Variants in QRFPR observed in about 807,000 individuals in gnomAD.
QRFPR encodes the protein pyroglutamylated RF-amide peptide receptor.
Under a neutral mutation model 31.3 loss-of-function variants are expected in QRFPR, and 37 were observed. The observed-to-expected ratio is 1.18, with a 90% CI of 0.91 to 1.56. The LOEUF is 1.56. Ranked by LOEUF, QRFPR falls within the 40% of genes most tolerant of loss-of-function variation. QRFPR has a pLI of 0.00. For missense variants in QRFPR, 542 were observed against 532.5 expected (o/e 1.02, Z -0.18); for synonymous variants, 197 against 192.0 (o/e 1.03, Z -0.22).
At chr4:121,370,033 A>G in intron 1 of QRFPR, 4 of 772,522 alleles carry the variant, frequency 5.2e-6, no homozygotes, top group Non-Finnish European at 9.7e-6. Context: ...ATAATTCATG[A>G]CGACATGGGT....
Position 121,328,904 on chromosome 4 carries a change from C to T in QRFPR, c.*410G>A, listed in dbSNP as rs990771589. Among the ~76,000 whole-genome samples, 7 of 152,108 alleles carry T rather than the reference C, an allele frequency of 4.6e-5. No homozygotes were observed. The highest frequency in any genetic ancestry group is 1.0e-4 in the Non-Finnish European group (7 of 68,024). ...CCAAGTAGCTGGGACTACAGGTGCC[C>T]GCCACCACGCCCGGCTAATTTTTGT... On this transcript the variant is annotated 3_prime_UTR_variant, in exon 6 of 6. Coordinates refer to ENST00000394427, the MANE Select transcript of QRFPR (RefSeq NM_198179.3).
intron 1 of QRFPR, among the ~76,000 whole-genome samples, chr4:121,368,069 A>G (rs1385446111): frequency 6.7e-6 from 1 of 149,978 alleles, no homozygotes; most frequent in Non-Finnish European, 1.5e-5. Flanking sequence ...TATTCAAGAC[A>G]AAAACTGAAC....
At chr4:121,335,696 A>C (rs185390092) in intron 3 of QRFPR, among the ~76,000 whole-genome samples, 2 of 152,162 alleles carry the variant, frequency 1.3e-5, no homozygotes, top group African/African-American at 4.8e-5. Context: ...AACTATTCAC[A>C]CTGAGGGAAG....
rs781242060 is a variant in QRFPR, at chr4:121,363,055, C to T, written c.340+17253G>A. Among the ~76,000 whole-genome samples, 24 of 150,184 alleles carry T rather than the reference C, an allele frequency of 1.6e-4. 3 individuals carry two copies. Among genetic ancestry groups the T allele is most frequent in the South Asian group, 6.3e-4 (3 of 4,746 alleles). On this transcript the variant is annotated intron_variant, in intron 1 of 5. Coordinates refer to ENST00000394427, the MANE Select transcript of QRFPR (RefSeq NM_198179.3). The stretch of plus-strand genomic sequence containing the variant: ...CTTAAAGAAGGAGCCAAAACTAGGC[C>T]GGGCAGAGTGGCTCATGCCTGTAAT...
Position 121,380,625 on chromosome 4 carries a change from G to A in QRFPR, c.23C>T (p.Pro8Leu). 3.8e-6 allele frequency: 6 copies of A among 1,580,742 alleles called. No homozygotes were observed. The highest frequency in any genetic ancestry group is 2.3e-5 in the South Asian group (2 of 87,424). ...CCGCAGCAGCCGAGAGAACTGCTCC[G>A]GGGTAATGTTAAGCGCCTGCATTGC... MQALNIT[P>L]EQFSRLLRDH... Residue 8 changes from proline to leucine, a missense_variant, in exon 1 of 6, where the codon CCG becomes CTG. Coordinates refer to ENST00000394427, the MANE Select transcript of QRFPR (RefSeq NM_198179.3).
intron 1 of QRFPR, among the ~76,000 whole-genome samples, chr4:121,341,222 T>C (rs1725538149): frequency 6.6e-6 from 1 of 152,206 alleles, no homozygotes; most frequent in African/African-American, 2.4e-5. Context: ...TTTGAATGTA[T>C]TGTCAATCTT....
chr4:121,339,262 C>T (rs186529346), intron 2 of QRFPR, among the ~76,000 whole-genome samples: 4 of 152,250 alleles, frequency 2.6e-5, no homozygotes, highest in African/African-American at 7.2e-5. Context: ...CTTGCTACAC[C>T]TCTGATTATT....
At chr4:121,361,219 T>C (rs1328616781) in intron 1 of QRFPR, among the ~76,000 whole-genome samples, 5 of 150,034 alleles carry the variant, frequency 3.3e-5, no homozygotes, top group Non-Finnish European at 7.4e-5. Flanking sequence ...CCATATTTAC[T>C]TTGAGGAAAA....
chr4:121,346,971 G>A lies in QRFPR; in HGVS notation c.341-6361C>T, dbSNP rs551602686. Among the ~76,000 whole-genome samples the A allele has an allele frequency of 1.4e-4, 22 of 152,164 alleles. No homozygotes were observed. In the East Asian group the frequency reaches 3.3e-3, roughly 23 times the overall value. On this transcript the variant is annotated intron_variant, in intron 1 of 5. Coordinates refer to ENST00000394427, the MANE Select transcript of QRFPR (RefSeq NM_198179.3). The stretch of plus-strand genomic sequence containing the variant: ...GTGCCCATGTTCATAAGAGCTATTC[G>A]TTTGCAACTTTCTTTCTATTGAACT...
chr4:121,357,137 G>A (rs1010294012), intron 1 of QRFPR, among the ~76,000 whole-genome samples: 8 of 152,092 alleles, frequency 5.3e-5, no homozygotes, highest in African/African-American at 1.9e-4. Flanking sequence ...AATTATGGAG[G>A]TCAGAAATTT....
chr4:121,352,467 A>G (rs1002429401), intron 1 of QRFPR, among the ~76,000 whole-genome samples: 3 of 152,122 alleles, frequency 2.0e-5, no homozygotes, highest in African/African-American at 7.2e-5. Flanking sequence ...CCTTCATAAA[A>G]GTAAGGAAAA....
chr4:121,374,210 C>T lies in QRFPR; in HGVS notation c.340+6098G>A, dbSNP rs555975703. On this transcript the variant is annotated intron_variant, in intron 1 of 5. Coordinates refer to ENST00000394427, the MANE Select transcript of QRFPR (RefSeq NM_198179.3). ...AAAACGTTAAGGGCTTTAGTAAAGA[C>T]GCAATAGGCTGCAGAAAACGGAAGA... 2.7e-4 allele frequency among the ~76,000 whole-genome samples: 41 copies of T among 152,258 alleles called. 1 individual carries two copies. In the South Asian group the frequency reaches 7.5e-3, roughly 28 times the overall value.
intron 1 of QRFPR, among the ~76,000 whole-genome samples, chr4:121,377,610 C>A (rs1375075788): frequency 6.6e-6 from 1 of 152,072 alleles, no homozygotes; most frequent in Non-Finnish European, 1.5e-5. Context: ...CTAAATTATT[C>A]TCTGAATTAT....
rs569136532 is a variant in QRFPR at position 121,379,154 on chromosome 4, C to A, written c.340+1154G>T. Among the ~76,000 whole-genome samples, 173 of 152,302 alleles carry A rather than the reference C, an allele frequency of 1.1e-3. 1 individual carries two copies. The highest frequency in any genetic ancestry group is 2.1e-3 in the Non-Finnish European group (143 of 68,028). On this transcript the variant is annotated intron_variant, in intron 1 of 5. Coordinates refer to ENST00000394427, the MANE Select transcript of QRFPR (RefSeq NM_198179.3). The stretch of plus-strand genomic sequence containing the variant: ...ATTACTTTCAAGTCAATGCTCTGTA[C>A]TCAATGTTTAATGCTTTTTTGAAAA...
chr4:121,349,054 G>A (rs1049652842), intron 1 of QRFPR, among the ~76,000 whole-genome samples: 4 of 151,968 alleles, frequency 2.6e-5, no homozygotes, highest in African/African-American at 9.7e-5. Context: ...CCAAGATCGC[G>A]CCACTGCACT....
chr4:121,372,788 C>CAGCA (rs1726276613), intron 1 of QRFPR, among the ~76,000 whole-genome samples: 1 of 152,206 alleles, frequency 6.6e-6, no homozygotes, highest in Non-Finnish European at 1.5e-5. Flanking sequence ...TGATATTCCA[C>CAGCA]TGTGTGTATA....
At chr4:121,358,374 T>A (rs1361893648) in intron 1 of QRFPR, among the ~76,000 whole-genome samples, 1 of 152,140 alleles carries the variant, frequency 6.6e-6, no homozygotes, top group African/African-American at 2.4e-5. Context: ...ACCAACACAA[T>A]ATCAATGAAT....
At chr4:121,365,229 G>A (rs190857764) in intron 1 of QRFPR, among the ~76,000 whole-genome samples, 7 of 146,800 alleles carry the variant, frequency 4.8e-5, no homozygotes, top group South Asian at 4.3e-4. Flanking sequence ...AGCTGTGGGC[G>A]GATCATGAGG....
intron 1 of QRFPR, among the ~76,000 whole-genome samples, chr4:121,372,824 G>T (rs35097879): frequency 0.16 from 24,579 of 152,038 alleles, 2,539 homozygotes; most frequent in Non-Finnish European, 0.24. Context: ...ATATCCATTT[G>T]TCCATCGATG....
Sources: gnomAD v4.1 joint callset for allele counts (sites outside exome capture counted in the v4.1 genomes callset) on GRCh38, gnomAD v4.1.1 for gene constraint, MANE v1.5 for transcripts, NCBI Gene and HGNC (gene_info 2026-07-23, HGNC 2026-07-21) for gene names.